Variants in HIRA observed in about 807,000 individuals in gnomAD.
The protein encoded by HIRA is protein HIRA.
Under a neutral mutation model 126.6 loss-of-function variants are expected in HIRA, and 13 were observed. That is an observed-to-expected ratio of 0.10 (90% CI 0.07 to 0.16). The LOEUF (loss-of-function observed/expected upper bound fraction) is 0.16. Ranked by LOEUF, HIRA falls within the 10% of genes least tolerant of loss-of-function variation. The pLI is 1.00. For missense variants in HIRA, 834 were observed against 1,314.4 expected (o/e 0.63, Z 5.65); for synonymous variants, 511 against 520.0 (o/e 0.98, Z 0.24).
intron 13 of HIRA, among the ~76,000 whole-genome samples, chr22:19,379,082 CA>C (rs915477231): frequency 6.6e-5 from 10 of 151,410 alleles, no homozygotes; most frequent in African/African-American, 2.2e-4. Context: ...GGCTGGAGTG[CA>C]GTGGCGCGAT....
chr22:19,357,092 T>C (rs1556012880), intron 18 of HIRA, 41 bp from the exon 19 acceptor site: 7 of 1,607,178 alleles, frequency 4.4e-6, no homozygotes, highest in African/African-American at 1.3e-5. Flanking sequence ...GGGGGCTGAG[T>C]GCTGCAGCCA....
chr22:19,406,280 G>T (rs1328601671), intron 4 of HIRA, among the ~76,000 whole-genome samples: 1 of 152,078 alleles, frequency 6.6e-6, no homozygotes, highest in East Asian at 1.9e-4. Context: ...TGTGATGAGG[G>T]ATATTTTTTC....
At chr22:19,386,758 T>C (rs1181223332) in intron 11 of HIRA, among the ~76,000 whole-genome samples, 1 of 152,162 alleles carries the variant, frequency 6.6e-6, no homozygotes, top group African/African-American at 2.4e-5. Flanking sequence ...AGGGAGTGCA[T>C]AGTGATCCCA....
chr22:19,351,323 A>T lies in HIRA; in HGVS notation c.2937+35T>A. 3.8e-6 allele frequency: 6 copies of T among 1,576,944 alleles called. No individual in the cohort carries two copies. Among genetic ancestry groups the T allele is most frequent in the Non-Finnish European group, 5.1e-6 (6 of 1,167,006 alleles). On this transcript the variant is annotated intron_variant, in intron 24 of 24. Coordinates refer to ENST00000263208, the MANE Select transcript of HIRA (RefSeq NM_003325.4). This position sits in a 1 kb window ranked among gnomAD's most constrained non-coding sequence, Gnocchi z 4.8. ...AATCTCCACCTTCATGTTTCAAGAAAGAATTCTTGCAGCAACAATGAAAGA... is the reference window on the plus strand; with the variant it reads ...AATCTCCACCTTCATGTTTCAAGAATGAATTCTTGCAGCAACAATGAAAGA...
chr22:19,409,893 C>G (rs1196142227), intron 2 of HIRA, among the ~76,000 whole-genome samples: 3 of 152,144 alleles, frequency 2.0e-5, no homozygotes, highest in Non-Finnish European at 4.4e-5. Flanking sequence ...GAGAGAAAGG[C>G]TTCCCTGCCC....
At chr22:19,419,200 A>G (rs759570722) in intron 1 of HIRA, among the ~76,000 whole-genome samples, 3 of 152,168 alleles carry the variant, frequency 2.0e-5, no homozygotes, top group African/African-American at 4.8e-5. Flanking sequence ...GATCTTCTCT[A>G]TAACGGTCTG....
intron 2 of HIRA, among the ~76,000 whole-genome samples, chr22:19,409,161 T>C (rs2089330730): frequency 6.6e-6 from 1 of 152,198 alleles, no homozygotes; most frequent in African/African-American, 2.4e-5. Flanking sequence ...TATCTTGTTA[T>C]CCACCCTTTG....
chr22:19,394,218 A>C, intron 8 of HIRA, 124 bp downstream of exon 8: 2 of 1,183,882 alleles, frequency 1.7e-6, no homozygotes, highest in Non-Finnish European at 2.3e-6. Flanking sequence ...TAAATCAACC[A>C]AGTACATACT....
At chr22:19,380,850 G>A (rs113438055) in intron 13 of HIRA, among the ~76,000 whole-genome samples, 19 of 152,058 alleles carry the variant, frequency 1.2e-4, no homozygotes, top group African/African-American at 4.6e-4. Flanking sequence ...TCTCAAACTC[G>A]TGACCTCAGG....
intron 24 of HIRA, among the ~76,000 whole-genome samples, chr22:19,335,391 T>TA (rs2088555087): frequency 1.3e-5 from 2 of 152,088 alleles, no homozygotes; most frequent in African/African-American, 4.8e-5. Flanking sequence ...ACTACAGGCA[T>TA]GTGCCACCAC....
In HIRA at chr22:19,397,978, A is replaced by G; in HGVS notation, c.493+14T>C. ...GTACTGCTTGCTGTTAACCAGTCAG[A>G]GGAGGCCCCAGACCTGGGAACTTTA... On this transcript the variant is annotated intron_variant, in intron 6 of 24. Coordinates refer to ENST00000263208, the MANE Select transcript of HIRA (RefSeq NM_003325.4). The G allele has an allele frequency of 6.2e-7, 1 of 1,604,408 alleles. No individual in the cohort carries two copies. Among genetic ancestry groups the G allele is most frequent in the Non-Finnish European group, 8.5e-7 (1 of 1,171,702 alleles).
intron 24 of HIRA, among the ~76,000 whole-genome samples, chr22:19,345,023 A>G (rs1480551074): frequency 6.6e-6 from 1 of 152,220 alleles, no homozygotes; most frequent in Non-Finnish European, 1.5e-5. Context: ...CACAGCTAAC[A>G]TCGTACTTAA....
chr22:19,373,659 A>G (rs2146208100), intron 15 of HIRA, among the ~76,000 whole-genome samples: 1 of 152,336 alleles, frequency 6.6e-6, no homozygotes, highest in African/African-American at 2.4e-5. Flanking sequence ...ACCTGTGGTT[A>G]CACAGTCTCA....
Position 19,394,461 on chromosome 22 carries a change from G to A in HIRA, c.703C>T (p.His235Tyr). The A allele has an allele frequency of 6.2e-7, 1 of 1,614,126 alleles. No individual in the cohort carries two copies. The highest frequency in any genetic ancestry group is 1.7e-5 in the Admixed American group (1 of 60,024). Residue 235 changes from histidine to tyrosine, a missense_variant, in exon 8 of 25, where the codon CAT (histidine) becomes TAT (tyrosine). His to Tyr is a moderately conservative substitution (Grantham distance 83, BLOSUM62 2). This residue lies in a region of HIRA where 53 missense variants were observed against 163.7 expected (regional missense o/e 0.32). Transcript: ENST00000263208. ...VLRLSWSPDG[H>Y]YLVSAHAMNN... is the part of the protein sequence containing the mutation. Reference sequence around the variant, plus strand: ...ATGGCATGGGCAGACACCAGGTAATGCCCATCAGGTGACCAGCTGAGCCGC... The same window carrying A: ...ATGGCATGGGCAGACACCAGGTAATACCCATCAGGTGACCAGCTGAGCCGC...
chr22:19,416,244 A>G (rs2089396710), intron 1 of HIRA, among the ~76,000 whole-genome samples: 1 of 152,244 alleles, frequency 6.6e-6, no homozygotes, highest in African/African-American at 2.4e-5. Context: ...AAAGACCTGC[A>G]TATATATCTT....
chr22:19,402,830 G>A (rs1413248022), intron 5 of HIRA, among the ~76,000 whole-genome samples: 2 of 152,146 alleles, frequency 1.3e-5, no homozygotes, highest in East Asian at 1.9e-4. Context: ...TTTAGGACAG[G>A]TGTGGTGGCT....
intron 1 of HIRA, among the ~76,000 whole-genome samples, chr22:19,425,025 C>A (rs896731894): frequency 6.6e-6 from 1 of 152,094 alleles, no homozygotes; most frequent in Non-Finnish European, 1.5e-5. Context: ...CCTAGGAGGT[C>A]CCAGCAGACG....
chr22:19,411,130 T>A (rs1245903602), intron 1 of HIRA, among the ~76,000 whole-genome samples: 2 of 152,166 alleles, frequency 1.3e-5, no homozygotes, highest in Non-Finnish European at 2.9e-5. Flanking sequence ...ACAGAAGGAC[T>A]GCTATTTGTC....
intron 1 of HIRA, among the ~76,000 whole-genome samples, chr22:19,425,908 G>A (rs1167775710): frequency 6.6e-6 from 1 of 152,216 alleles, no homozygotes; most frequent in Non-Finnish European, 1.5e-5. Flanking sequence ...CTACTCGGGA[G>A]GCTGAGGTAG....
Sources: gnomAD v4.1 joint callset for allele counts (sites outside exome capture counted in the v4.1 genomes callset) on GRCh38, gnomAD v4.1.1 for gene constraint, gnomAD v4.1.1 regional missense constraint, Gnocchi (gnomAD v3.1) non-coding constraint, MANE v1.5 for transcripts, NCBI Gene and HGNC (gene_info 2026-07-23, HGNC 2026-07-21) for gene names.